Variants in DAP observed in about 807,000 individuals in gnomAD.
The protein encoded by DAP is death associated protein, also known as death-associated protein 1.
DAP carries 8 observed loss-of-function variants against 13.8 expected under a neutral mutation model. The observed-to-expected ratio is 0.58, with a 90% confidence interval of 0.34 to 1.05. The LOEUF is 1.05. DAP is among the 50% of genes least tolerant of loss of function. The probability of loss-of-function intolerance (pLI) is 0.03; values close to 1 mark genes in which losing one functional copy is unlikely to be tolerated. For missense variants in DAP, 106 were observed against 133.2 expected (o/e 0.80, Z 1.01); for synonymous variants, 47 against 47.5 (o/e 0.99, Z 0.04).
chr5:10,758,394 C>T (rs1291720798), intron 1 of DAP, among the ~76,000 whole-genome samples: 2 of 149,798 alleles, frequency 1.3e-5, no homozygotes, highest in East Asian at 3.9e-4. Flanking sequence ...TTGAGGGGTG[C>T]TGTTGGCATT....
chr5:10,731,555 T>C (rs903175991), intron 2 of DAP, among the ~76,000 whole-genome samples: 10 of 152,172 alleles, frequency 6.6e-5, no homozygotes, highest in African/African-American at 2.2e-4. Context: ...CACCTGCTCA[T>C]CCCCACTACT....
intron 1 of DAP, among the ~76,000 whole-genome samples, chr5:10,754,888 T>C (rs900243990): frequency 3.5e-4 from 53 of 152,146 alleles, no homozygotes; most frequent in Non-Finnish European, 5.7e-4. Context: ...AAAGTGACTT[T>C]GGTGGGCAGC....
chr5:10,713,745 G>A (rs1259134903), intron 2 of DAP, among the ~76,000 whole-genome samples: 4 of 152,152 alleles, frequency 2.6e-5, no homozygotes, highest in Middle Eastern at 3.2e-3. Context: ...GTGCTCTGGC[G>A]GGGAAGCGGG....
chr5:10,729,799 AC>A (rs1191217484), intron 2 of DAP, among the ~76,000 whole-genome samples: 1 of 152,088 alleles, frequency 6.6e-6, no homozygotes, highest in Non-Finnish European at 1.5e-5. Flanking sequence ...ATTCATCCTT[AC>A]GGCGACCCCA....
At position 10,707,720 on chromosome 5, in the gene DAP, G is replaced by A. The variant is rs563286576; in HGVS notation, c.153-24149C>T. On this transcript the variant is annotated intron_variant, in intron 2 of 3. Coordinates refer to ENST00000230895, the MANE Select transcript of DAP (RefSeq NM_004394.3). This position sits in a 1 kb window ranked among gnomAD's most constrained non-coding sequence, Gnocchi z 4.0. ...ACAGGTGGTGTGATGCATGGGTGGTGTGGTGTGTGGGTGGTATGGCACACA... is the reference window on the plus strand; with the variant it reads ...ACAGGTGGTGTGATGCATGGGTGGTATGGTGTGTGGGTGGTATGGCACACA... 1.2e-4 allele frequency among the ~76,000 whole-genome samples: 18 copies of A among 152,330 alleles called. No individual in the cohort carries two copies. The East Asian group carries it at 2.9e-3, about 24-fold the overall frequency.
chr5:10,688,418 T>TAATGCTACTG (rs1738211374), intron 2 of DAP, among the ~76,000 whole-genome samples: 1 of 152,222 alleles, frequency 6.6e-6, no homozygotes, highest in Non-Finnish European at 1.5e-5. Context: ...TTTTTAGACG[T>TAATGCTACTG]AATGCTACTG....
intron 2 of DAP, among the ~76,000 whole-genome samples, chr5:10,719,192 C>G (rs768867370): frequency 6.6e-6 from 1 of 152,198 alleles, no homozygotes; most frequent in Non-Finnish European, 1.5e-5. Flanking sequence ...CCTAGGGGGC[C>G]TATTTGGATT....
intron 2 of DAP, among the ~76,000 whole-genome samples, chr5:10,745,381 G>A: frequency 6.6e-6 from 1 of 152,104 alleles, no homozygotes; most frequent in East Asian, 1.9e-4. Context: ...CTAGCAATTT[G>A]GCTGCAGGGA....
chr5:10,736,760 C>T (rs904067033), intron 2 of DAP, among the ~76,000 whole-genome samples: 1 of 152,224 alleles, frequency 6.6e-6, no homozygotes, highest in African/African-American at 2.4e-5. Flanking sequence ...CTTCCCAGGG[C>T]AGATGGGCTA....
intron 2 of DAP, among the ~76,000 whole-genome samples, chr5:10,697,351 T>A (rs1236416640): frequency 6.6e-6 from 1 of 152,238 alleles, no homozygotes; most frequent in Non-Finnish European, 1.5e-5. Flanking sequence ...ATAACGATCA[T>A]CTATGTATTA....
chr5:10,751,561 A>T (rs1371176396), intron 1 of DAP, among the ~76,000 whole-genome samples: 3 of 152,200 alleles, frequency 2.0e-5, no homozygotes, highest in Non-Finnish European at 4.4e-5. Flanking sequence ...GAAATTGATG[A>T]AAGATGCTAT....
intron 2 of DAP, among the ~76,000 whole-genome samples, chr5:10,745,024 G>A (rs1457214943): frequency 6.6e-6 from 1 of 152,210 alleles, no homozygotes; most frequent in Admixed American, 6.5e-5. Flanking sequence ...CTGAGCAGTA[G>A]CACAGATCAA....
At chr5:10,697,897 T>A (rs1738473928) in intron 2 of DAP, among the ~76,000 whole-genome samples, 1 of 152,066 alleles carries the variant, frequency 6.6e-6, no homozygotes, top group African/African-American at 2.4e-5. Context: ...AGAGTTAACT[T>A]GCACTGAGGA....
At chr5:10,719,237 C>A (rs930356219) in intron 2 of DAP, among the ~76,000 whole-genome samples, 1 of 152,228 alleles carries the variant, frequency 6.6e-6, no homozygotes, top group Non-Finnish European at 1.5e-5. Context: ...TGATGTGTTA[C>A]TCTGGTCCAT....
intron 2 of DAP, among the ~76,000 whole-genome samples, chr5:10,732,915 C>G (rs1739500773): frequency 1.3e-5 from 2 of 152,178 alleles, no homozygotes; most frequent in Admixed American, 1.3e-4. Context: ...TGTCATCTTG[C>G]AAATCTGATA....
At chr5:10,694,196 G>A (rs886363713) in intron 2 of DAP, among the ~76,000 whole-genome samples, 2 of 152,120 alleles carry the variant, frequency 1.3e-5, no homozygotes, top group African/African-American at 2.4e-5. Context: ...TCAGAACCAC[G>A]CAAAGGAGGG....
chr5:10,716,338 G>T (rs1490751040), intron 2 of DAP, among the ~76,000 whole-genome samples: 1 of 152,190 alleles, frequency 6.6e-6, no homozygotes, highest in African/African-American at 2.4e-5. Context: ...TCTGTGGGTA[G>T]TAAGAAAAAA....
chr5:10,727,542 G>A (rs377138839), intron 2 of DAP, among the ~76,000 whole-genome samples: 2 of 152,192 alleles, frequency 1.3e-5, no homozygotes, highest in East Asian at 3.8e-4. Context: ...ACTTCATTCT[G>A]AGGGTTTAGA....
At position 10,679,538 on chromosome 5, in the gene DAP, G is replaced by C. The variant is rs1243311357; in HGVS notation, c.*1518C>G. The C allele has an allele frequency of 2.6e-5, 4 of 152,534 alleles. No individual in the cohort carries two copies. The highest frequency in any genetic ancestry group is 9.6e-5 in the African/African-American group (4 of 41,454). The allele number at this position is 152,534 out of a possible 1,614,324, so 9.4% of individuals were successfully genotyped here. On this transcript the variant is annotated 3_prime_UTR_variant, in exon 4 of 4. Coordinates refer to ENST00000230895, the MANE Select transcript of DAP (RefSeq NM_004394.3). Reference sequence around the variant, plus strand: ...TGCTGCTCCGAAAGGCAGGCTGGGAGGTGCTTGCTGGGGTGTTCCATGGCA... The same window carrying C: ...TGCTGCTCCGAAAGGCAGGCTGGGACGTGCTTGCTGGGGTGTTCCATGGCA...
Sources: gnomAD v4.1 joint callset for allele counts (sites outside exome capture counted in the v4.1 genomes callset) on GRCh38, gnomAD v4.1.1 for gene constraint, Gnocchi (gnomAD v3.1) non-coding constraint, MANE v1.5 for transcripts, NCBI Gene and HGNC (gene_info 2026-07-23, HGNC 2026-07-21) for gene names.